Variants in MED13 observed in about 807,000 individuals in gnomAD.
The protein encoded by MED13 is mediator of RNA polymerase II transcription subunit 13.
MED13 carries 23 observed loss-of-function variants against 225.2 expected under a neutral mutation model. That is an observed-to-expected ratio of 0.10 (90% CI 0.07 to 0.14). The LOEUF is 0.14. Among genes scored for constraint, MED13 ranks in the 10% least tolerant of loss-of-function variants. The pLI is 1.00. For missense variants in MED13, 2,197 were observed against 2,594.5 expected (o/e 0.85, Z 3.33); for synonymous variants, 942 against 889.2 (o/e 1.06, Z -1.06).
chr17:62,048,342 T>C lies in MED13; in HGVS notation c.470+4195A>G, dbSNP rs186179933. 1.7e-3 allele frequency among the ~76,000 whole-genome samples: 226 copies of C among 135,636 alleles called. 2 individuals carry two copies. The highest frequency in any genetic ancestry group is 5.9e-3 in the African/African-American group (211 of 35,580). The allele number at this position is 135,636 out of a possible 152,430, so 89.0% of individuals were successfully genotyped here. ...ACCGCTTGAACCTGGGAGGTGGAGG[T>C]TGAAGTGAGCCAAGATTGCACCACT... On this transcript the variant is annotated intron_variant, in intron 3 of 29. Transcript: ENST00000397786.
At chr17:62,035,436 A>G (rs1239491408) in intron 4 of MED13, 27 bp downstream of exon 4, 1 of 1,547,962 alleles carries the variant, frequency 6.5e-7, no homozygotes, top group South Asian at 1.2e-5. Flanking sequence ...TAAAAGATCA[A>G]ATACCTAATA....
At chr17:62,056,418 T>C (rs538412389) in intron 2 of MED13, among the ~76,000 whole-genome samples, 1 of 152,288 alleles carries the variant, frequency 6.6e-6, no homozygotes, top group South Asian at 2.1e-4. Flanking sequence ...CCTATCTCTT[T>C]TGAACTTAAC....
At chr17:62,024,039 A>G (rs964667690) in intron 8 of MED13, among the ~76,000 whole-genome samples, 13 of 150,644 alleles carry the variant, frequency 8.6e-5, no homozygotes, top group African/African-American at 2.4e-4. Flanking sequence ...TTTTTTTGAG[A>G]CGGAGTCTCG....
At chr17:62,042,604 GCAA>G (rs766894657) in intron 3 of MED13, among the ~76,000 whole-genome samples, 1 of 145,882 alleles carries the variant, frequency 6.9e-6, no homozygotes, top group Non-Finnish European at 1.5e-5. Context: ...ACAAAACTTA[GCAA>G]CAACATTATT....
chr17:61,956,621 CT>C, intron 23 of MED13, 140 bp from the exon 24 acceptor site: 1 of 725,616 alleles, frequency 1.4e-6, no homozygotes. Context: ...TCACTGCAAC[CT>C]CCACCTTCAC....
chr17:61,967,182 T>TTTC (rs1412746270), intron 18 of MED13, among the ~76,000 whole-genome samples: 2 of 152,172 alleles, frequency 1.3e-5, no homozygotes, highest in African/African-American at 4.8e-5. Flanking sequence ...TAAGCAAACT[T>TTTC]AGAAGAGTTC....
chr17:61,961,840 T>C (rs1771827438), intron 21 of MED13, 61 bp from the exon 22 acceptor site: 2 of 1,487,490 alleles, frequency 1.3e-6, no homozygotes, highest in African/African-American at 2.8e-5. Context: ...ACAGGAACTG[T>C]GGGTCTAAAA....
chr17:62,022,817 C>T (rs2080662448), intron 8 of MED13, among the ~76,000 whole-genome samples: 1 of 151,968 alleles, frequency 6.6e-6, no homozygotes, highest in African/African-American at 2.4e-5. Flanking sequence ...CAAGACCAGC[C>T]TGGGCAACAT....
At chr17:62,030,574 T>C (rs1442831633) in intron 6 of MED13, 2 of 152,278 alleles carry the variant, frequency 1.3e-5, no homozygotes, top group Non-Finnish European at 2.9e-5. Flanking sequence ...CAGTCAATCA[T>C]TGCTGGATTT....
At chr17:61,987,480 A>G (rs1031095869) in intron 11 of MED13, among the ~76,000 whole-genome samples, 2 of 152,110 alleles carry the variant, frequency 1.3e-5, no homozygotes, top group East Asian at 3.8e-4. Context: ...TAATGACCAC[A>G]TAAGTACTAT....
rs1353611814 is a variant in MED13 at position 62,011,077 on chromosome 17, C to A, written c.1440G>T (p.Val480=). The A allele has an allele frequency of 6.2e-7, 1 of 1,614,082 alleles. No individual in the cohort carries two copies. The highest frequency in any genetic ancestry group is 8.5e-7 in the Non-Finnish European group (1 of 1,180,040). ...KRPLTPFHHR[V]SVSDDVGMDA... is the part of the protein sequence containing the mutation. ...CCATGCCAACATCATCACTAACAGA[C>A]ACACGATGGTGAAAAGGAGTCAAGG... is the stretch of plus-strand genomic sequence containing the variant. Residue 480 remains valine (V), a synonymous_variant, in exon 9 of 30, where the codon GTG becomes GTT. Transcript: ENST00000397786.
Position 61,956,259 on chromosome 17 carries a change from T to G in MED13, c.5623+80A>C, listed in dbSNP as rs532402264. The G allele has an allele frequency of 6.8e-4, 913 of 1,349,948 alleles. 2 individuals are homozygous for G. Among genetic ancestry groups the G allele is most frequent in the Non-Finnish European group, 8.6e-4 (854 of 992,128 alleles). The allele number at this position is 1,349,948 out of a possible 1,614,324, so 83.6% of individuals were successfully genotyped here. A position where few individuals can be genotyped will look rare whatever the true frequency, so the allele number is the denominator to read the frequency against. ...GATAACCTTTGCATTTTATTCAACA[T>G]ATATACCTAGACGTGGTCAGAACTG... On this transcript the variant is annotated intron_variant, in intron 24 of 29. Transcript: ENST00000397786.
chr17:61,986,939 T>TA (rs1567961028), intron 12 of MED13, 68 bp downstream of exon 12: 7 of 1,144,506 alleles, frequency 6.1e-6, no homozygotes, highest in Non-Finnish European at 8.2e-6. Flanking sequence ...AAATCACTTC[T>TA]AAAAAATAAA....
intron 16 of MED13, among the ~76,000 whole-genome samples, chr17:61,980,287 TG>T (rs935378989): frequency 1.3e-5 from 2 of 152,128 alleles, no homozygotes; most frequent in African/African-American, 4.8e-5. Flanking sequence ...CCTTTCCTGG[TG>T]CCTTTTCTCC....
Position 61,965,445 on chromosome 17 carries a change from A to G in MED13, c.4405T>C (p.Leu1469=). Residue 1469 remains leucine (L), a synonymous_variant, in exon 20 of 30, where the codon TTG becomes CTG. Coordinates refer to ENST00000397786, the MANE Select transcript of MED13 (RefSeq NM_005121.3). ...DLGPYLASLP[L]DSSLLSQPNL... Reference sequence around the variant, plus strand: ...GGCTGGGAAAGTAGAGAGCTGTCCAATGGCAGGGAAGCAAGATAAGGACCT... The same window carrying G: ...GGCTGGGAAAGTAGAGAGCTGTCCAGTGGCAGGGAAGCAAGATAAGGACCT... The G allele has an allele frequency of 6.2e-7, 1 of 1,613,676 alleles. No individual in the cohort carries two copies. Among genetic ancestry groups the G allele is most frequent in the South Asian group, 1.1e-5 (1 of 91,058 alleles).
intron 8 of MED13, among the ~76,000 whole-genome samples, chr17:62,021,324 C>G (rs2080642942): frequency 7.0e-6 from 1 of 143,058 alleles, no homozygotes; most frequent in Non-Finnish European, 1.5e-5. Flanking sequence ...GGGGCTGACC[C>G]CCCCACCTCC....
At chr17:61,999,739 T>A (rs1308370176) in intron 9 of MED13, among the ~76,000 whole-genome samples, 1 of 152,114 alleles carries the variant, frequency 6.6e-6, no homozygotes, top group East Asian at 1.9e-4. Flanking sequence ...TAGGTAGCCA[T>A]CACCACCTGA....
chr17:62,048,021 T>C (rs1603408898), intron 3 of MED13, among the ~76,000 whole-genome samples: 1 of 112,372 alleles, frequency 8.9e-6, no homozygotes, highest in Non-Finnish European at 1.8e-5. Flanking sequence ...TATATACATA[T>C]ATACATATAC....
chr17:61,987,113 G>T lies in MED13; in HGVS notation c.2279C>A (p.Thr760Asn). The T allele has an allele frequency of 6.2e-7, 1 of 1,607,140 alleles. No individual in the cohort carries two copies. The highest frequency in any genetic ancestry group is 1.1e-5 in the South Asian group (1 of 90,176). The change falls in exon 12 of 30, where the codon ACT (threonine) becomes AAT (asparagine). Residue 760 changes from threonine to asparagine, a missense_variant. This residue lies in a region of MED13 where 884 missense variants were observed against 918.5 expected (regional missense o/e 0.96). Transcript: ENST00000397786. ...TGTTGATGGAGGACGGGCATGACTA[G>T]TAGGGCGTGGAGCATCTACAAAAGT... ...PSIKQDAPRP[T>N]SHARPPSTSL... is the part of the protein sequence containing the mutation.
Sources: gnomAD v4.1 joint callset for allele counts (sites outside exome capture counted in the v4.1 genomes callset) on GRCh38, gnomAD v4.1.1 for gene constraint, gnomAD v4.1.1 regional missense constraint, MANE v1.5 for transcripts, NCBI Gene and HGNC (gene_info 2026-07-23, HGNC 2026-07-21) for gene names.